The following FBXL17 variants were observed in gnomAD, a reference collection of about 807,000 sequenced individuals.
FBXL17 encodes the protein F-box and leucine rich repeat protein 17.
A neutral mutation model predicts 66.2 loss-of-function variants in FBXL17; 22 were observed. The ratio of observed to expected loss-of-function variants is 0.33; its 90% confidence interval spans 0.24 to 0.47. FBXL17 has a LOEUF of 0.47. Among genes scored for constraint, FBXL17 ranks in the 20% least tolerant of loss-of-function variants. The probability of loss-of-function intolerance (pLI) is 1.00; values close to 1 mark genes in which losing one functional copy is unlikely to be tolerated. For synonymous variants in FBXL17, 474 were observed against 400.5 expected, an observed-to-expected ratio of 1.18 and a Z score of -2.19; for missense variants, 878 against 948.2, an observed-to-expected ratio of 0.93 and a Z score of 0.97.
chr5:107,897,054 AG>A (rs1378579181), intron 7 of FBXL17, among the ~76,000 whole-genome samples: 2 of 152,110 alleles, frequency 1.3e-5, no homozygotes, highest in African/African-American at 4.8e-5. Context: ...TGCCAGCAAA[AG>A]ATGGTTTGAT....
chr5:108,085,782 A>T (rs1748946345), intron 6 of FBXL17, among the ~76,000 whole-genome samples: 1 of 152,110 alleles, frequency 6.6e-6, no homozygotes, highest in Admixed American at 6.5e-5. Flanking sequence ...AAAAAATACA[A>T]AAAAATTAGC....
At chr5:108,259,789 C>G (rs1428849015) in intron 4 of FBXL17, among the ~76,000 whole-genome samples, 1 of 151,786 alleles carries the variant, frequency 6.6e-6, no homozygotes, top group Non-Finnish European at 1.5e-5. Context: ...CAATAGCTGT[C>G]AAAATAAAAA....
chr5:107,975,754 G>C (rs1045580733), intron 7 of FBXL17, among the ~76,000 whole-genome samples: 2 of 150,570 alleles, frequency 1.3e-5, no homozygotes, highest in African/African-American at 4.9e-5. Context: ...ATTCCAGAAA[G>C]CAAAAGAAAA....
At chr5:108,270,781 A>C (rs374631902) in intron 4 of FBXL17, among the ~76,000 whole-genome samples, 4 of 152,130 alleles carry the variant, frequency 2.6e-5, no homozygotes, top group East Asian at 3.8e-4. Context: ...TTATGTTAAC[A>C]GTTTTAAATT....
intron 7 of FBXL17, among the ~76,000 whole-genome samples, chr5:107,889,776 G>A (rs543745576): frequency 5.3e-5 from 8 of 152,192 alleles, no homozygotes; most frequent in Non-Finnish European, 1.2e-4. Flanking sequence ...GCAGCAGCGA[G>A]GATAAGCATT....
chr5:107,879,702 T>C, intron 8 of FBXL17: 4 of 985,446 alleles, frequency 4.1e-6, no homozygotes, highest in Non-Finnish European at 4.8e-6. Flanking sequence ...GAATGGCGTG[T>C]CTATTTAGTT....
At chr5:108,136,199 CCTT>C (rs1453183077) in intron 6 of FBXL17, among the ~76,000 whole-genome samples, 1 of 152,018 alleles carries the variant, frequency 6.6e-6, no homozygotes, top group Non-Finnish European at 1.5e-5. Context: ...AGACCTTAAA[CCTT>C]CTTTTTGTAT....
At chr5:108,206,247 T>C in intron 5 of FBXL17, among the ~76,000 whole-genome samples, 1 of 152,200 alleles carries the variant, frequency 6.6e-6, no homozygotes, top group Non-Finnish European at 1.5e-5. Context: ...GTTTACTTTT[T>C]TGTAATTCCT....
chr5:108,126,613 T>C (rs577306968), intron 6 of FBXL17, among the ~76,000 whole-genome samples: 2 of 114,654 alleles, frequency 1.7e-5, no homozygotes, highest in Non-Finnish European at 3.7e-5. Context: ...CTATATAAGA[T>C]TATCTCTCTG....
chr5:107,953,097 C>T (rs1185833538), intron 7 of FBXL17, among the ~76,000 whole-genome samples: 1 of 36,088 alleles, frequency 2.8e-5, no homozygotes, highest in Non-Finnish European at 6.0e-5. Context: ...TTGTTTCATA[C>T]TTTAAAAAAA....
At chr5:108,068,869 T>G (rs1284810734) in intron 6 of FBXL17, among the ~76,000 whole-genome samples, 1 of 152,176 alleles carries the variant, frequency 6.6e-6, no homozygotes, top group Non-Finnish European at 1.5e-5. Context: ...ATGGAAACAC[T>G]GACACAGTTT....
At chr5:108,241,864 C>T (rs1277318736) in intron 4 of FBXL17, among the ~76,000 whole-genome samples, 1 of 152,090 alleles carries the variant, frequency 6.6e-6, no homozygotes, top group Admixed American at 6.6e-5. Context: ...AGTGGCATGA[C>T]ATATTTAAAG....
chr5:107,861,769 C>A lies in FBXL17; in HGVS notation c.2057G>T (p.Arg686Ile), dbSNP rs780438502. The change falls in exon 9 of 9, where the codon AGA becomes ATA. Residue 686 changes from arginine to isoleucine, a missense_variant. Arg to Ile is a moderately conservative substitution (Grantham distance 97, BLOSUM62 -3). This residue lies in a region of FBXL17 where 31 missense variants were observed against 27.0 expected (regional missense o/e 1.15). Coordinates refer to ENST00000542267, the MANE Select transcript of FBXL17 (RefSeq NM_001163315.3). Reference sequence around the variant, plus strand: ...GGGGGTCCAGCCCATCTGATAGGCTCTCTCCAAGGTCCTCTTGCAGTCCTG... The same window carrying A: ...GGGGGTCCAGCCCATCTGATAGGCTATCTCCAAGGTCCTCTTGCAGTCCTG... Reference protein sequence around the residue: ...VLQDCKRTLERAYQMGWTPNM... With the variant: ...VLQDCKRTLEIAYQMGWTPNM... 2 of 1,588,034 alleles carry A rather than the reference C, an allele frequency of 1.3e-6. No homozygotes were observed. Among genetic ancestry groups the A allele is most frequent in the East Asian group, 4.6e-5 (2 of 43,184 alleles).
chr5:107,938,662 C>T (rs2112585697), intron 7 of FBXL17, among the ~76,000 whole-genome samples: 1 of 152,222 alleles, frequency 6.6e-6, no homozygotes. Context: ...CTGCAATTTA[C>T]ATCTGCTTAG....
intron 7 of FBXL17, among the ~76,000 whole-genome samples, chr5:107,990,982 C>T (rs1430202290): frequency 2.0e-5 from 3 of 152,046 alleles, no homozygotes; most frequent in East Asian, 3.9e-4. Context: ...CTGAGGCCCA[C>T]TAGCTGAAAT....
chr5:108,240,316 G>C (rs1755799862), intron 4 of FBXL17, among the ~76,000 whole-genome samples: 1 of 152,132 alleles, frequency 6.6e-6, no homozygotes, highest in South Asian at 2.1e-4. Context: ...CCCTGAGCCA[G>C]AGAGAAGCCA....
chr5:108,269,516 A>T (rs1757180043), intron 4 of FBXL17, among the ~76,000 whole-genome samples: 1 of 152,068 alleles, frequency 6.6e-6, no homozygotes, highest in Non-Finnish European at 1.5e-5. Flanking sequence ...AAAAATCTGT[A>T]AATTCCTCAA....
At chr5:108,364,394 T>C (rs1032887897) in intron 3 of FBXL17, among the ~76,000 whole-genome samples, 2 of 151,934 alleles carry the variant, frequency 1.3e-5, no homozygotes, top group Non-Finnish European at 2.9e-5. Flanking sequence ...TCTAGTATAA[T>C]AAAAGGGGAA....
intron 4 of FBXL17, among the ~76,000 whole-genome samples, chr5:108,326,584 C>T (rs958587827): frequency 5.3e-5 from 8 of 151,878 alleles, no homozygotes; most frequent in African/African-American, 1.9e-4. Flanking sequence ...GCCTGGGTGA[C>T]AGAGCGACAG....
Sources: gnomAD v4.1 joint callset for allele counts (sites outside exome capture counted in the v4.1 genomes callset) on GRCh38, gnomAD v4.1.1 for gene constraint, gnomAD v4.1.1 regional missense constraint, MANE v1.5 for transcripts, NCBI Gene and HGNC (gene_info 2026-07-23, HGNC 2026-07-21) for gene names.